GABPB1: variants seen among roughly 807,000 people sequenced by gnomAD.
GABPB1 encodes GA binding protein transcription factor subunit beta 1.
Under a neutral mutation model 45.9 loss-of-function variants are expected in GABPB1, and 15 were observed. The observed-to-expected ratio is 0.33, with a 90% CI of 0.22 to 0.50. The LOEUF is 0.50. Among genes scored for constraint, GABPB1 ranks in the 20% least tolerant of loss-of-function variants. The probability of loss-of-function intolerance (pLI) is 0.98; values close to 1 mark genes in which losing one functional copy is unlikely to be tolerated. For synonymous variants in GABPB1, 143 were observed against 154.4 expected (o/e 0.93, Z 0.55); for missense variants, 252 against 457.5 (o/e 0.55, Z 4.10).
chr15:50,280,228 ACTT>A (rs1375714475), intron 8 of GABPB1, among the ~76,000 whole-genome samples: 2 of 152,104 alleles, frequency 1.3e-5, no homozygotes, highest in African/African-American at 2.4e-5. Context: ...GCCTCCCAAC[ACTT>A]CTTCTCCCCT....
chr15:50,310,513 A>C (rs2047093842), intron 1 of GABPB1, among the ~76,000 whole-genome samples: 2 of 152,274 alleles, frequency 1.3e-5, no homozygotes, highest in African/African-American at 4.8e-5. Context: ...GGTGCAAATT[A>C]AACTAAACTT....
chr15:50,338,282 T>C (rs993995342), intron 1 of GABPB1, among the ~76,000 whole-genome samples: 4 of 151,988 alleles, frequency 2.6e-5, no homozygotes, highest in African/African-American at 7.2e-5. Flanking sequence ...TCAGGCGATC[T>C]GCCCACCTCG....
intron 1 of GABPB1, among the ~76,000 whole-genome samples, chr15:50,311,706 G>A (rs1266381787): frequency 6.6e-6 from 1 of 152,152 alleles, no homozygotes; most frequent in African/African-American, 2.4e-5. Flanking sequence ...ACTCAATAAG[G>A]AAGAGAAAGG....
chr15:50,317,223 C>T (rs544538685), intron 1 of GABPB1, among the ~76,000 whole-genome samples: 3 of 151,572 alleles, frequency 2.0e-5, no homozygotes, highest in African/African-American at 4.8e-5. Context: ...CAGTGAAATC[C>T]CACCTTTACT....
intron 6 of GABPB1, among the ~76,000 whole-genome samples, chr15:50,291,485 T>A (rs75063706): frequency 7.4e-6 from 1 of 135,656 alleles, no homozygotes; most frequent in Non-Finnish European, 1.6e-5. Context: ...CGCCTGGTAA[T>A]TTTTTTTTTT....
At chr15:50,303,162 T>C in intron 3 of GABPB1, 39 bp from the exon 4 acceptor site, 1 of 1,481,754 alleles carries the variant, frequency 6.7e-7, no homozygotes, top group Non-Finnish European at 9.2e-7. Context: ...AAATATGAAA[T>C]ATCACATAAA....
At position 50,325,563 on chromosome 15, in the gene GABPB1, G is replaced by A. The variant is rs191485719; in HGVS notation, c.1-15765C>T. On this transcript the variant is annotated intron_variant, in intron 1 of 8. Coordinates refer to ENST00000380877, the MANE Select transcript of GABPB1 (RefSeq NM_016654.5). ...TTTTTTTTTCTTGAGATGGAGTCTCGCTCTGTCGCCCAAGCTGGAGTGCAG... is the reference window on the plus strand; with the variant it reads ...TTTTTTTTTCTTGAGATGGAGTCTCACTCTGTCGCCCAAGCTGGAGTGCAG... 2.6e-3 allele frequency among the ~76,000 whole-genome samples: 387 copies of A among 151,050 alleles called. 1 individual carries two copies. The highest frequency in any genetic ancestry group is 6.4e-3 in the Admixed American group (97 of 15,154).
chr15:50,317,506 AT>A (rs1204025364), intron 1 of GABPB1, among the ~76,000 whole-genome samples: 3 of 151,790 alleles, frequency 2.0e-5, no homozygotes, highest in South Asian at 2.1e-4. Context: ...CTAAGTTTTA[AT>A]TTTTTTATAG....
rs1166362166 is a variant in GABPB1, at chr15:50,322,863, C to CA, written c.1-13066dup. ...GCAACATGGCAAAACCTGGTCTCTACAAAAAATACAAAAAAATCAACCAAG... is the reference window on the plus strand; with the variant it reads ...GCAACATGGCAAAACCTGGTCTCTACAAAAAAATACAAAAAAATCAACCAAG... On this transcript the variant is annotated intron_variant, in intron 1 of 8. Coordinates refer to ENST00000380877, the MANE Select transcript of GABPB1 (RefSeq NM_016654.5). 1.5e-4 allele frequency among the ~76,000 whole-genome samples: 23 copies of CA among 151,558 alleles called. No individual in the cohort carries two copies. In the East Asian group the frequency reaches 4.3e-3, roughly 28 times the overall value.
chr15:50,321,471 C>T (rs1031749444), intron 1 of GABPB1, among the ~76,000 whole-genome samples: 1 of 152,124 alleles, frequency 6.6e-6, no homozygotes, highest in Non-Finnish European at 1.5e-5. Flanking sequence ...CATCCCACCA[C>T]ATAAGGAGAG....
At position 50,327,564 on chromosome 15, in the gene GABPB1, C is replaced by A. The variant is rs956684072; in HGVS notation, c.1-17766G>T. Among the ~76,000 whole-genome samples, 3 of 152,174 alleles carry A rather than the reference C, an allele frequency of 2.0e-5. No homozygotes were observed. The East Asian group carries it at 5.8e-4, about 29-fold the overall frequency. On this transcript the variant is annotated intron_variant, in intron 1 of 8. Transcript: ENST00000380877. ...ATGATTCCCTTGTCCAAAATCCCCA[C>A]CAATACAATCATTCTGAAGAACAAT...
At chr15:50,324,786 A>G (rs1194698735) in intron 1 of GABPB1, among the ~76,000 whole-genome samples, 2 of 151,994 alleles carry the variant, frequency 1.3e-5, no homozygotes, top group African/African-American at 4.8e-5. Context: ...ACCTCAGGCA[A>G]TTCGCCCGCC....
chr15:50,318,662 G>C (rs1442407467), intron 1 of GABPB1, among the ~76,000 whole-genome samples: 1 of 152,188 alleles, frequency 6.6e-6, no homozygotes, highest in East Asian at 1.9e-4. Flanking sequence ...GGCAAACCCA[G>C]ATGGGAGCCA....
chr15:50,327,110 A>G (rs1467579882), intron 1 of GABPB1: 3 of 152,154 alleles, frequency 2.0e-5, no homozygotes, highest in African/African-American at 7.2e-5. Flanking sequence ...GAGTGCAAGT[A>G]GAAGATAAAG....
At chr15:50,351,771 G>A (rs552629980) in intron 1 of GABPB1, 93 of 152,140 alleles carry the variant, frequency 6.1e-4, no homozygotes, top group African/African-American at 2.0e-3. Flanking sequence ...GCACTGTGAT[G>A]TCAACACTGA....
chr15:50,333,516 A>G (rs974192835), intron 1 of GABPB1, among the ~76,000 whole-genome samples: 9 of 152,170 alleles, frequency 5.9e-5, no homozygotes, highest in African/African-American at 2.2e-4. Context: ...AAAATAAATA[A>G]CATTCCCAAT....
intron 1 of GABPB1, among the ~76,000 whole-genome samples, chr15:50,311,125 G>GA (rs1056799819): frequency 3.9e-5 from 6 of 152,104 alleles, no homozygotes; most frequent in Non-Finnish European, 8.8e-5. Flanking sequence ...ATATATGTCA[G>GA]AAAAAAGATT....
Position 50,300,778 on chromosome 15 carries a change from GT to G in GABPB1, c.697+10del. The G allele has an allele frequency of 6.4e-7, 1 of 1,557,440 alleles. No individual in the cohort carries two copies. On this transcript the variant is annotated intron_variant, in intron 6 of 8. Transcript: ENST00000380877. Reference sequence around the variant, plus strand: ...CAATTTTAATGTACACATTAGACTCGTTTTTCTAACCTGGAGTTTCTGAAGA... The same window carrying G: ...CAATTTTAATGTACACATTAGACTCGTTTTCTAACCTGGAGTTTCTGAAGA...
At chr15:50,298,696 T>C (rs563400707) in intron 6 of GABPB1, among the ~76,000 whole-genome samples, 1 of 152,320 alleles carries the variant, frequency 6.6e-6, no homozygotes, top group South Asian at 2.1e-4. Context: ...CTCATGCCTG[T>C]AATCCTAGCA....
Sources: gnomAD v4.1 joint callset for allele counts (sites outside exome capture counted in the v4.1 genomes callset) on GRCh38, gnomAD v4.1.1 for gene constraint, MANE v1.5 for transcripts, NCBI Gene and HGNC (gene_info 2026-07-23, HGNC 2026-07-21) for gene names.